Variants in AP1M1 observed in about 807,000 individuals in gnomAD.
The protein encoded by AP1M1 is adaptor related protein complex 1 subunit mu 1, also known as AP-1 complex subunit mu-1.
A neutral mutation model predicts 57.1 loss-of-function variants in AP1M1; 18 were observed. That is an observed-to-expected ratio of 0.32 (90% confidence interval 0.22 to 0.47). AP1M1 has a LOEUF of 0.47. AP1M1 is among the 20% of genes least tolerant of loss of function. The pLI, the probability that AP1M1 is intolerant of heterozygous loss-of-function variation, is 1.00. For missense variants in AP1M1, 362 were observed against 593.5 expected (o/e 0.61, Z 4.05); for synonymous variants, 241 against 237.9 (o/e 1.01, Z -0.12).
At chr19:16,199,503 A>G (rs2091438530) in intron 1 of AP1M1, among the ~76,000 whole-genome samples, 1 of 152,184 alleles carries the variant, frequency 6.6e-6, no homozygotes, top group Non-Finnish European at 1.5e-5. Flanking sequence ...CAGTGAGAGA[A>G]ACAAACATGG....
In AP1M1 at chr19:16,238,924, T is replaced by TTTTTTG. The variant is rs1166460778; in HGVS notation, c.*4507_*4512dup. ...TAATATACTTTTTGTAGTTTTTTTG[T>TTTTTTG]TTTTTGTTTTTGTTTTTGTTTTTTT... On this transcript the variant is annotated 3_prime_UTR_variant, in exon 12 of 12. Coordinates refer to ENST00000291439, the MANE Select transcript of AP1M1 (RefSeq NM_032493.4). 4 of 151,468 alleles carry TTTTTTG rather than the reference T, an allele frequency of 2.6e-5. No individual in the cohort carries two copies. In the East Asian group the frequency reaches 5.8e-4, roughly 22 times the overall value. 9.4% of individuals were successfully genotyped at this position (151,468 alleles called of 1,614,324 possible).
chr19:16,203,534 AAGG>A lies in AP1M1; in HGVS notation c.128_130del (p.Glu43del), dbSNP rs1368070688. On this transcript the variant is annotated inframe_deletion, in exon 2 of 12. Coordinates refer to ENST00000291439, the MANE Select transcript of AP1M1 (RefSeq NM_032493.4). This position sits in a 1 kb window ranked among gnomAD's most constrained non-coding sequence, Gnocchi z 4.6. ...GCACTTCATGCCCATCCTGATGGAGAAGGAGGAGGAGGGGATGCTGTCGCCCAT... is the reference window on the plus strand; with the variant it reads ...GCACTTCATGCCCATCCTGATGGAGAAGGAGGAGGGGATGCTGTCGCCCAT... 1.2e-6 allele frequency: 2 copies of A among 1,614,022 alleles called. No individual in the cohort carries two copies. Among genetic ancestry groups the A allele is most frequent in the Non-Finnish European group, 8.5e-7 (1 of 1,179,988 alleles).
At chr19:16,201,069 T>C (rs2091444843) in intron 1 of AP1M1, among the ~76,000 whole-genome samples, 2 of 152,172 alleles carry the variant, frequency 1.3e-5, no homozygotes, top group Admixed American at 6.6e-5. Context: ...CTGTACCTGC[T>C]CTCTTTCCAT....
rs896822841 is a variant in AP1M1, at chr19:16,236,330, C to T, written c.*1895C>T. ...GATAAGACCTGCAAACCCTCCACTACAGACTGTAGAAATGCAGGAAATGAA... is the reference window on the plus strand; with the variant it reads ...GATAAGACCTGCAAACCCTCCACTATAGACTGTAGAAATGCAGGAAATGAA... On this transcript the variant is annotated 3_prime_UTR_variant, in exon 12 of 12. Transcript: ENST00000291439. 6.6e-6 allele frequency: 1 copy of T among 152,286 alleles called. No homozygotes were observed. Among genetic ancestry groups the T allele is most frequent in the Non-Finnish European group, 1.5e-5 (1 of 68,106 alleles). The allele number at this position is 152,286 out of a possible 1,614,324, so 9.4% of individuals were successfully genotyped here. A position where few individuals can be genotyped will look rare whatever the true frequency, so the allele number is the denominator to read the frequency against.
chr19:16,214,312 C>T (rs1465943447), intron 5 of AP1M1, among the ~76,000 whole-genome samples: 1 of 151,620 alleles, frequency 6.6e-6, no homozygotes, highest in Non-Finnish European at 1.5e-5. Context: ...CTGCCTTGGC[C>T]TCCCAAAGTG....
Position 16,232,847 on chromosome 19 carries a change from T to G in AP1M1, c.1048-646T>G, listed in dbSNP as rs138870640. On this transcript the variant is annotated intron_variant, in intron 9 of 11. Transcript: ENST00000291439. Reference sequence around the variant, plus strand: ...GACCAGGCGCTGGGGGTGACCAGGCTGCAACCTGTTGCTCCTCAAGGCAGA... The same window carrying G: ...GACCAGGCGCTGGGGGTGACCAGGCGGCAACCTGTTGCTCCTCAAGGCAGA... 8.0e-4 allele frequency among the ~76,000 whole-genome samples: 122 copies of G among 152,304 alleles called. 1 individual carries two copies. The highest frequency in any genetic ancestry group is 2.4e-3 in the African/African-American group (100 of 41,554).
chr19:16,226,662 T>G, intron 6 of AP1M1, 115 bp downstream of exon 6: 1 of 1,333,886 alleles, frequency 7.5e-7, no homozygotes, highest in Non-Finnish European at 1.0e-6. Flanking sequence ...AAGCACTTGG[T>G]TGAGCAGCAC....
chr19:16,198,023 C>G lies in AP1M1; in HGVS notation c.-4C>G. ...GGCCGCTGCCGAGGCCTCCTGCAGCCATCATGTCCGCCAGCGCCGTCTACG... is the reference window on the plus strand; with the variant it reads ...GGCCGCTGCCGAGGCCTCCTGCAGCGATCATGTCCGCCAGCGCCGTCTACG... On this transcript the variant is annotated 5_prime_UTR_variant, in exon 1 of 12. Coordinates refer to ENST00000291439, the MANE Select transcript of AP1M1 (RefSeq NM_032493.4). 7.0e-7 allele frequency: 1 copy of G among 1,434,672 alleles called. No individual in the cohort carries two copies. The allele number at this position is 1,434,672 out of a possible 1,614,324, so 88.9% of individuals were successfully genotyped here.
Position 16,206,521 on chromosome 19 carries a change from C to G in AP1M1, c.267+113C>G. On this transcript the variant is annotated intron_variant, in intron 3 of 11. Coordinates refer to ENST00000291439, the MANE Select transcript of AP1M1 (RefSeq NM_032493.4). The surrounding 1 kb of genome is among the most constrained non-coding windows in gnomAD (Gnocchi z 4.3). ...AGAGCTGTGGCATCCCCAGGGAGCACTGGGGCTGGAAGCCCAGGAAGTGGG... is the reference window on the plus strand; with the variant it reads ...AGAGCTGTGGCATCCCCAGGGAGCAGTGGGGCTGGAAGCCCAGGAAGTGGG... The G allele has an allele frequency of 8.7e-7, 1 of 1,155,712 alleles. No homozygotes were observed. Among genetic ancestry groups the G allele is most frequent in the Non-Finnish European group, 1.3e-6 (1 of 789,534 alleles). The allele number at this position is 1,155,712 out of a possible 1,614,324, so 71.6% of individuals were successfully genotyped here. A position where few individuals can be genotyped will look rare whatever the true frequency, so the allele number is the denominator to read the frequency against.
Position 16,209,128 on chromosome 19 carries a change from A to G in AP1M1, c.497A>G (p.Tyr166Cys), listed in dbSNP as rs1302106434. 6.2e-7 allele frequency: 1 copy of G among 1,614,242 alleles called. No homozygotes were observed. Among genetic ancestry groups the G allele is most frequent in the South Asian group, 1.1e-5 (1 of 91,086 alleles). ...TCCTGGCGGTCCGAAGGCATCAAGT[A>G]TCGGAAGAATGAGGTGTTCTTGGAC... ...AVSWRSEGIK[Y>C]RKNEVFLDVI... is the part of the protein sequence containing the mutation. The change falls in exon 5 of 12, where the codon TAT becomes TGT. Residue 166 changes from tyrosine (Y) to cysteine (C), a missense_variant. By Grantham distance (194) the Tyr-to-Cys change is radical. Coordinates refer to ENST00000291439, the MANE Select transcript of AP1M1 (RefSeq NM_032493.4).
intron 1 of AP1M1, among the ~76,000 whole-genome samples, chr19:16,202,204 A>G (rs1250339820): frequency 6.6e-6 from 1 of 152,112 alleles, no homozygotes; most frequent in Non-Finnish European, 1.5e-5. Flanking sequence ...GTGTGATGAA[A>G]TGCCAAGTTC....
rs375321256 is a variant in AP1M1 at position 16,234,459 on chromosome 19, G to A, written c.*24G>A. 3.5e-5 allele frequency: 57 copies of A among 1,613,074 alleles called. No homozygotes were observed. Among genetic ancestry groups the A allele is most frequent in the African/African-American group, 1.5e-4 (11 of 74,872 alleles). ...GAGGGGCTGTCGCAGCCAACACCCCGGCCTCGGGGCTCCTGGTGGCAGCAC... is the reference window on the plus strand; with the variant it reads ...GAGGGGCTGTCGCAGCCAACACCCCAGCCTCGGGGCTCCTGGTGGCAGCAC... On this transcript the variant is annotated 3_prime_UTR_variant, in exon 12 of 12. Transcript: ENST00000291439.
intron 5 of AP1M1, among the ~76,000 whole-genome samples, chr19:16,225,157 T>C (rs1250323163): frequency 6.6e-6 from 1 of 152,212 alleles, no homozygotes; most frequent in Non-Finnish European, 1.5e-5. Context: ...GCACCTCAGT[T>C]TTCCCAATTC....
chr19:16,238,915 GT>G lies in AP1M1; in HGVS notation c.*4487del. 1.3e-5 allele frequency: 2 copies of G among 151,160 alleles called. No individual in the cohort carries two copies. The highest frequency in any genetic ancestry group is 2.9e-5 in the Non-Finnish European group (2 of 68,062). 9.4% of individuals were successfully genotyped at this position (151,160 alleles called of 1,614,324 possible). A position where few individuals can be genotyped will look rare whatever the true frequency, so the allele number is the denominator to read the frequency against. On this transcript the variant is annotated 3_prime_UTR_variant, in exon 12 of 12. Coordinates refer to ENST00000291439, the MANE Select transcript of AP1M1 (RefSeq NM_032493.4). ...TGTAGTTCTTAATATACTTTTTGTA[GT>G]TTTTTTGTTTTTTGTTTTTGTTTTT...
chr19:16,211,516 G>A (rs1226912090), intron 5 of AP1M1, among the ~76,000 whole-genome samples: 1 of 152,122 alleles, frequency 6.6e-6, no homozygotes, highest in African/African-American at 2.4e-5. Context: ...TGTCATAGAT[G>A]GCTCTTATTA....
chr19:16,233,052 T>G (rs1162284750), intron 9 of AP1M1, among the ~76,000 whole-genome samples: 1 of 152,212 alleles, frequency 6.6e-6, no homozygotes, highest in African/African-American at 2.4e-5. Context: ...TTCTTTCACA[T>G]GCTGTTCTGA....
rs1172221614 is a variant in AP1M1 at position 16,239,342 on chromosome 19, C to G, written c.*4907C>G. 7.6e-6 allele frequency: 1 copy of G among 132,020 alleles called. No individual in the cohort carries two copies. Among genetic ancestry groups the G allele is most frequent in the Non-Finnish European group, 1.6e-5 (1 of 64,258 alleles). The allele number at this position is 132,020 out of a possible 1,614,324, so 8.2% of individuals were successfully genotyped here. On this transcript the variant is annotated 3_prime_UTR_variant, in exon 12 of 12. Coordinates refer to ENST00000291439, the MANE Select transcript of AP1M1 (RefSeq NM_032493.4). ...GTCCCAACTACTTGGGAGGCTGAGG[C>G]TAGAGGATTACTTGAGCCCAGGAGT...
rs3752797 is a variant in AP1M1, at chr19:16,228,904, C to T, written c.1023C>T (p.Ile341=). Reference sequence around the variant, plus strand: ...AGTGGGTCCCCGAGAACAGCGAGATCGTGTGGTCCATCAAGTCCTTCCCGG... The same window carrying T: ...AGTGGGTCCCCGAGAACAGCGAGATTGTGTGGTCCATCAAGTCCTTCCCGG... ...SVKWVPENSE[I]VWSIKSFPGG... is the part of the protein sequence containing the mutation. The change falls in exon 9 of 12, where the codon ATC becomes ATT. Residue 341 remains isoleucine (I), a synonymous_variant. Transcript: ENST00000291439. The surrounding 1 kb of genome is among the most constrained non-coding windows in gnomAD (Gnocchi z 5.0). 0.66 allele frequency: 1,070,507 copies of T among 1,613,516 alleles called. 367,301 individuals carry two copies. Among genetic ancestry groups the T allele is most frequent in the Non-Finnish European group, 0.71 (842,891 of 1,179,776 alleles).
rs2091628180 is a variant in AP1M1 at position 16,237,151 on chromosome 19, CGGCCAGGCGTGGT to C, written c.*2720_*2732del. 2.0e-5 allele frequency: 3 copies of C among 152,314 alleles called. No homozygotes were observed. In the South Asian group the frequency reaches 6.2e-4, roughly 32 times the overall value. 9.4% of individuals were successfully genotyped at this position (152,314 alleles called of 1,614,324 possible). ...AGATGAAATACAAATGGCGACCGTT[CGGCCAGGCGTGGT>C]GGCTCACGCCCGTGAGCCCAATACT... On this transcript the variant is annotated 3_prime_UTR_variant, in exon 12 of 12. Transcript: ENST00000291439.
Sources: gnomAD v4.1 joint callset for allele counts (sites outside exome capture counted in the v4.1 genomes callset) on GRCh38, gnomAD v4.1.1 for gene constraint, Gnocchi (gnomAD v3.1) non-coding constraint, MANE v1.5 for transcripts, NCBI Gene and HGNC (gene_info 2026-07-23, HGNC 2026-07-21) for gene names.